The following LYPLA1 variants were observed in gnomAD, a reference collection of about 807,000 sequenced individuals.
The protein encoded by LYPLA1 is lysophospholipase 1.
A neutral mutation model predicts 34.0 loss-of-function variants in LYPLA1; 17 were observed. That is an observed-to-expected ratio of 0.50 (90% CI 0.34 to 0.75). The LOEUF (loss-of-function observed/expected upper bound fraction) is 0.75. Ranked by LOEUF, LYPLA1 falls within the 30% of genes least tolerant of loss-of-function variation. The probability of loss-of-function intolerance (pLI) is 0.01; values close to 1 mark genes in which losing one functional copy is unlikely to be tolerated. For synonymous variants in LYPLA1, 98 were observed against 100.8 expected (o/e 0.97, Z 0.17); for missense variants, 203 against 288.8 (o/e 0.70, Z 2.15).
At chr8:54,065,162 C>A (rs1470531761) in intron 3 of LYPLA1, among the ~76,000 whole-genome samples, 1 of 151,988 alleles carries the variant, frequency 6.6e-6, no homozygotes, top group Admixed American at 6.6e-5. Context: ...TCAGAGATAC[C>A]CTAGGGATAT....
At position 54,059,353 on chromosome 8, in the gene LYPLA1, G is replaced by A. The variant is rs1190409124; in HGVS notation, c.286+2901C>T. Among the ~76,000 whole-genome samples the A allele has an allele frequency of 5.5e-5, 4 of 72,176 alleles. 1 individual carries two copies. The highest frequency in any genetic ancestry group is 4.0e-4 in the African/African-American group (3 of 7,476). 47.4% of individuals were successfully genotyped at this position (72,176 alleles called of 152,430 possible). A position where few individuals can be genotyped will look rare whatever the true frequency, so the allele number is the denominator to read the frequency against. On this transcript the variant is annotated intron_variant, in intron 5 of 8. Coordinates refer to ENST00000316963, the MANE Select transcript of LYPLA1 (RefSeq NM_006330.4). ...CGCTCTGTTGCCCAGGCCGGACTGC[G>A]GACTGCAGTGGCGCAATCTCGGCTC...
At chr8:54,054,207 T>G (rs1806041914) in intron 6 of LYPLA1, among the ~76,000 whole-genome samples, 1 of 152,138 alleles carries the variant, frequency 6.6e-6, no homozygotes, top group Admixed American at 6.6e-5. Flanking sequence ...GGTCTCGAAC[T>G]CCTGACCTCA....
At chr8:54,086,833 G>GA (rs1808829549) in intron 2 of LYPLA1, among the ~76,000 whole-genome samples, 1 of 152,144 alleles carries the variant, frequency 6.6e-6, no homozygotes, top group South Asian at 2.1e-4. Flanking sequence ...CTGGGTGACA[G>GA]AGCGAGACCC....
intron 2 of LYPLA1, among the ~76,000 whole-genome samples, chr8:54,079,560 T>C (rs1563630271): frequency 1.3e-5 from 2 of 152,034 alleles, no homozygotes; most frequent in Non-Finnish European, 2.9e-5. Context: ...CCCAGCAGTT[T>C]GGGAGGCTGA....
chr8:54,091,618 AAGG>A, intron 2 of LYPLA1, among the ~76,000 whole-genome samples: 1 of 147,260 alleles, frequency 6.8e-6, no homozygotes, highest in Non-Finnish European at 1.5e-5. Flanking sequence ...GGAAGGAAGG[AAGG>A]AAGGAGAAAT....
chr8:54,085,134 G>A (rs1221319988), intron 2 of LYPLA1, among the ~76,000 whole-genome samples: 2 of 152,224 alleles, frequency 1.3e-5, no homozygotes, highest in Admixed American at 1.3e-4. Context: ...CCGAAGGCGC[G>A]CACTGCCACG....
At chr8:54,060,665 C>A (rs1806541122) in intron 5 of LYPLA1, among the ~76,000 whole-genome samples, 1 of 150,104 alleles carries the variant, frequency 6.7e-6, no homozygotes, top group Non-Finnish European at 1.5e-5. Context: ...TATTACCGCA[C>A]TAACATTAAC....
At chr8:54,048,761 T>G in intron 8 of LYPLA1, among the ~76,000 whole-genome samples, 1 of 152,196 alleles carries the variant, frequency 6.6e-6, no homozygotes, top group South Asian at 2.1e-4. Flanking sequence ...ATAGTAGCAA[T>G]GCAGCTAACC....
At chr8:54,057,298 A>G (rs1245290977) in intron 5 of LYPLA1, among the ~76,000 whole-genome samples, 1 of 152,154 alleles carries the variant, frequency 6.6e-6, no homozygotes, top group Non-Finnish European at 1.5e-5. Context: ...ATTTGGGTAT[A>G]TATCTTTTGG....
intron 7 of LYPLA1, among the ~76,000 whole-genome samples, chr8:54,051,862 TC>T (rs1401547167): frequency 6.6e-6 from 1 of 150,870 alleles, no homozygotes; most frequent in Non-Finnish European, 1.5e-5. Context: ...TTTTTTTTTT[TC>T]CCCCAAAGAC....
At chr8:54,086,032 G>A (rs1808734679) in intron 2 of LYPLA1, among the ~76,000 whole-genome samples, 1 of 152,208 alleles carries the variant, frequency 6.6e-6, no homozygotes, top group Non-Finnish European at 1.5e-5. Flanking sequence ...GATTGTTACT[G>A]TCTGTGTAGA....
At position 54,054,945 on chromosome 8, in the gene LYPLA1, G is replaced by T. The variant is rs141907784; in HGVS notation, c.360+115C>A. 2,713 of 662,770 alleles carry T rather than the reference G, an allele frequency of 4.1e-3. 18 individuals are homozygous for T. The highest frequency in any genetic ancestry group is 8.3e-3 in the South Asian group (444 of 53,658). 41.1% of individuals were successfully genotyped at this position (662,770 alleles called of 1,614,324 possible). On this transcript the variant is annotated intron_variant, in intron 6 of 8. Coordinates refer to ENST00000316963, the MANE Select transcript of LYPLA1 (RefSeq NM_006330.4). The stretch of plus-strand genomic sequence containing the variant: ...ACTTAATTAAACATCAAAGGTAAGT[G>T]TATCAGTCAAGATTCTATAACATCA...
intron 1 of LYPLA1, chr8:54,101,388 GA>G: frequency 1.9e-6 from 2 of 1,053,892 alleles, no homozygotes; most frequent in Non-Finnish European, 2.3e-6. Flanking sequence ...TTTCATTGAG[GA>G]TAAGAGTGCG....
chr8:54,054,819 A>G, intron 6 of LYPLA1: 2 of 389,908 alleles, frequency 5.1e-6, no homozygotes, highest in Non-Finnish European at 9.0e-6. Context: ...AGTTTTAATT[A>G]ATTAAAAGGA....
downstream of LYPLA1, among the ~76,000 whole-genome samples, chr8:54,044,264 T>C (rs1805429872): frequency 6.6e-6 from 1 of 152,032 alleles, no homozygotes; most frequent in Non-Finnish European, 1.5e-5. Flanking sequence ...TGATTTGAAA[T>C]GTGGGGGCTC....
chr8:54,072,909 G>A (rs1807593605), intron 2 of LYPLA1, among the ~76,000 whole-genome samples: 1 of 142,984 alleles, frequency 7.0e-6, no homozygotes, highest in South Asian at 2.2e-4. Context: ...GAACACTCCA[G>A]CTTGGCGACA....
At chr8:54,063,953 A>G (rs898560262) in intron 3 of LYPLA1, among the ~76,000 whole-genome samples, 40 of 152,258 alleles carry the variant, frequency 2.6e-4, no homozygotes, top group Non-Finnish European at 5.3e-4. Flanking sequence ...AAAAATAAGC[A>G]CACTCTAACT....
intron 2 of LYPLA1, among the ~76,000 whole-genome samples, chr8:54,072,073 G>A (rs1683277451): frequency 6.6e-6 from 1 of 152,012 alleles, no homozygotes; most frequent in Non-Finnish European, 1.5e-5. Context: ...CAGCACAGAA[G>A]TAAGGTCACA....
intron 3 of LYPLA1, among the ~76,000 whole-genome samples, chr8:54,064,317 T>G (rs1314546912): frequency 6.6e-6 from 1 of 152,020 alleles, no homozygotes; most frequent in African/African-American, 2.4e-5. Flanking sequence ...CTTGGGAGGC[T>G]GAGGCAGGAG....
Sources: gnomAD v4.1 joint callset for allele counts (sites outside exome capture counted in the v4.1 genomes callset) on GRCh38, gnomAD v4.1.1 for gene constraint, MANE v1.5 for transcripts, NCBI Gene and HGNC (gene_info 2026-07-23, HGNC 2026-07-21) for gene names.